The following KCNMA1 variants were observed in gnomAD, a reference collection of about 807,000 sequenced individuals.
KCNMA1 encodes potassium calcium-activated channel subfamily M alpha 1.
In KCNMA1, 29 loss-of-function variants were observed where a neutral mutation model predicts 140.0. The observed-to-expected ratio is 0.21, with a 90% CI of 0.15 to 0.28. The LOEUF is 0.28. KCNMA1 is among the 10% of genes least tolerant of loss of function. The probability of loss-of-function intolerance (pLI) is 1.00; values close to 1 mark genes in which losing one functional copy is unlikely to be tolerated. For synonymous variants in KCNMA1, 612 were observed against 611.9 expected (o/e 1.00, Z 0.00); for missense variants, 880 against 1,602.2 (o/e 0.55, Z 7.70).
intron 1 of KCNMA1, among the ~76,000 whole-genome samples, chr10:77,527,829 C>T (rs776656642): frequency 2.6e-5 from 4 of 152,076 alleles, no homozygotes; most frequent in Non-Finnish European, 4.4e-5. Context: ...TGGTGCAGCC[C>T]TCATCCCCAG....
chr10:77,540,961 C>T (rs2060039482), intron 1 of KCNMA1, among the ~76,000 whole-genome samples: 1 of 150,268 alleles, frequency 6.7e-6, no homozygotes, highest in Non-Finnish European at 1.5e-5. Context: ...GCCAAGATCG[C>T]ACCACTGCAC....
intron 1 of KCNMA1, among the ~76,000 whole-genome samples, chr10:77,468,671 T>A (rs924368929): frequency 2.0e-5 from 3 of 152,332 alleles, no homozygotes; most frequent in African/African-American, 4.8e-5. Flanking sequence ...CTCAGACTTC[T>A]GGCCTCTAGA....
chr10:77,572,748 C>A (rs1188808238), intron 1 of KCNMA1, among the ~76,000 whole-genome samples: 4 of 134,430 alleles, frequency 3.0e-5, no homozygotes, highest in Admixed American at 7.4e-5. Context: ...AGAGTGAGAT[C>A]TTGTCTCAAA....
At chr10:77,403,713 A>G (rs537518271) in intron 2 of KCNMA1, 149 bp downstream of exon 2, 2 of 702,540 alleles carry the variant, frequency 2.8e-6, no homozygotes, top group African/African-American at 1.8e-5. Flanking sequence ...CCTCTCCTCC[A>G]TGACCACGCG....
chr10:77,382,990 G>T (rs976014328), intron 2 of KCNMA1, among the ~76,000 whole-genome samples: 1 of 42,602 alleles, frequency 2.3e-5, no homozygotes, highest in African/African-American at 1.8e-4. Flanking sequence ...GTGTGTGTGT[G>T]TGTGTATATA....
intron 3 of KCNMA1, among the ~76,000 whole-genome samples, chr10:77,214,808 C>G (rs1016103683): frequency 1.3e-5 from 2 of 152,124 alleles, no homozygotes; most frequent in Non-Finnish European, 2.9e-5. Context: ...CTGTGTGTGC[C>G]CTTCCTCAGT....
At chr10:77,122,822 A>G (rs2097645769) in intron 5 of KCNMA1, among the ~76,000 whole-genome samples, 1 of 152,298 alleles carries the variant, frequency 6.6e-6, no homozygotes, top group African/African-American at 2.4e-5. Flanking sequence ...TCAAGCAATA[A>G]AAATAAACCA....
At chr10:77,327,126 G>A (rs1261997424) in intron 2 of KCNMA1, among the ~76,000 whole-genome samples, 2 of 152,000 alleles carry the variant, frequency 1.3e-5, no homozygotes, top group Non-Finnish European at 2.9e-5. Context: ...CCTAGCAGTG[G>A]GTTAGCAGCA....
At chr10:77,013,594 C>G (rs934348889) in intron 17 of KCNMA1, among the ~76,000 whole-genome samples, 1 of 152,164 alleles carries the variant, frequency 6.6e-6, no homozygotes, top group South Asian at 2.1e-4. Flanking sequence ...TTTCCCTCCC[C>G]CTTTGTTGCT....
chr10:77,402,965 G>C (rs1180235929), intron 2 of KCNMA1, among the ~76,000 whole-genome samples: 1 of 152,178 alleles, frequency 6.6e-6, no homozygotes, highest in Non-Finnish European at 1.5e-5. Context: ...ACCCAAGAAA[G>C]CAAGCTAGGG....
At chr10:77,504,920 G>T (rs2045282981) in intron 1 of KCNMA1, among the ~76,000 whole-genome samples, 1 of 152,156 alleles carries the variant, frequency 6.6e-6, no homozygotes, top group Non-Finnish European at 1.5e-5. Flanking sequence ...TTATACTGCA[G>T]CTTCTAGCAT....
intron 25 of KCNMA1, chr10:76,905,011 G>A (rs12765652): frequency 2.6e-5 from 4 of 152,108 alleles, no homozygotes; most frequent in East Asian, 1.9e-4. Context: ...GCTGCTTTAC[G>A]GGAATCTGGG....
intron 1 of KCNMA1, among the ~76,000 whole-genome samples, chr10:77,426,673 A>G (rs933929170): frequency 2.0e-5 from 3 of 152,222 alleles, no homozygotes; most frequent in African/African-American, 4.8e-5. Flanking sequence ...CCTCCCCTAT[A>G]ACATCTCTGA....
intron 1 of KCNMA1, among the ~76,000 whole-genome samples, chr10:77,604,390 G>A (rs897806247): frequency 4.6e-5 from 7 of 152,152 alleles, no homozygotes; most frequent in African/African-American, 1.7e-4. Flanking sequence ...CAATCAGCAG[G>A]CATGATATTT....
chr10:77,175,163 G>A (rs924313056), intron 5 of KCNMA1, among the ~76,000 whole-genome samples: 2 of 152,090 alleles, frequency 1.3e-5, no homozygotes, highest in Non-Finnish European at 2.9e-5. Context: ...CCCCAGTAAC[G>A]CTGATGCTGC....
At chr10:77,181,896 T>C (rs2098805714) in intron 5 of KCNMA1, among the ~76,000 whole-genome samples, 1 of 152,256 alleles carries the variant, frequency 6.6e-6, no homozygotes, top group East Asian at 1.9e-4. Context: ...AAGAAATCTT[T>C]TTAGGATATG....
chr10:77,247,759 T>C (rs2154247056), intron 3 of KCNMA1, among the ~76,000 whole-genome samples: 1 of 152,260 alleles, frequency 6.6e-6, no homozygotes. Flanking sequence ...GGCACTAACA[T>C]GATGTCTGAC....
At chr10:77,254,145 C>A (rs2060209858) in intron 2 of KCNMA1, among the ~76,000 whole-genome samples, 1 of 151,726 alleles carries the variant, frequency 6.6e-6, no homozygotes, top group Admixed American at 6.6e-5. Flanking sequence ...AAATAGTCAC[C>A]TAAGTATTTA....
intron 2 of KCNMA1, among the ~76,000 whole-genome samples, chr10:77,373,465 C>G (rs1054234184): frequency 2.0e-5 from 3 of 152,158 alleles, no homozygotes; most frequent in African/African-American, 7.2e-5. Flanking sequence ...GGTTGAACAT[C>G]TTACGGAGTT....
Sources: allele counts gnomAD v4.1 joint callset (sites outside exome capture counted in the v4.1 genomes callset), GRCh38; gene constraint gnomAD v4.1.1; transcripts MANE v1.5; gene names NCBI Gene and HGNC (gene_info 2026-07-23, HGNC 2026-07-21).